TENM2: variants seen among roughly 807,000 people sequenced by gnomAD.
The protein encoded by TENM2 is teneurin-2.
A neutral mutation model predicts 245.2 loss-of-function variants in TENM2; 52 were observed. The ratio of observed to expected loss-of-function variants is 0.21; its 90% CI spans 0.17 to 0.27. The LOEUF is 0.27. TENM2 is among the 10% of genes least tolerant of loss of function. The pLI is 1.00. For synonymous variants in TENM2, 1,363 were observed against 1,438.9 expected, an observed-to-expected ratio of 0.95 and a Z score of 1.19; for missense variants, 3,046 against 3,666.8, an observed-to-expected ratio of 0.83 and a Z score of 4.37.
chr5:167,465,262 G>A (rs1004259885), intron 2 of TENM2, among the ~76,000 whole-genome samples: 5 of 152,130 alleles, frequency 3.3e-5, no homozygotes, highest in African/African-American at 1.2e-4. Flanking sequence ...CCCATGTAAC[G>A]GAGTTTCTGG....
At chr5:167,681,145 T>C (rs985002384) in intron 2 of TENM2, among the ~76,000 whole-genome samples, 3 of 152,218 alleles carry the variant, frequency 2.0e-5, no homozygotes, top group Non-Finnish European at 4.4e-5. Context: ...ATATGCTCCC[T>C]AAACCCCATA....
At chr5:167,987,474 CCCA>C (rs1783334817) in intron 4 of TENM2, among the ~76,000 whole-genome samples, 1 of 151,898 alleles carries the variant, frequency 6.6e-6, no homozygotes, top group Non-Finnish European at 1.5e-5. Context: ...ATTACAGGTG[CCCA>C]CCACCACACC....
At chr5:167,351,168 A>G (rs1758887293) in intron 1 of TENM2, among the ~76,000 whole-genome samples, 2 of 148,250 alleles carry the variant, frequency 1.3e-5, no homozygotes, top group South Asian at 4.2e-4. Context: ...TATATATGGG[A>G]TATATACATA....
At chr5:167,239,891 A>G in the TENM2 span, among the ~76,000 whole-genome samples, 1 of 152,010 alleles carries the variant, frequency 6.6e-6, no homozygotes, top group African/African-American at 2.4e-5. Flanking sequence ...TCCTGCCTCA[A>G]TCTCCCAAGT....
chr5:167,382,979 G>A (rs1446539958), intron 2 of TENM2, among the ~76,000 whole-genome samples: 1 of 152,092 alleles, frequency 6.6e-6, no homozygotes, highest in African/African-American at 2.4e-5. Context: ...GTGAAAAATA[G>A]AAAAGTACTC....
At chr5:168,251,697 G>C (rs1317429836) in intron 27 of TENM2, among the ~76,000 whole-genome samples, 1 of 152,250 alleles carries the variant, frequency 6.6e-6, no homozygotes, top group Non-Finnish European at 1.5e-5. Flanking sequence ...AATGTAAGCA[G>C]AAGAGGTAAT....
At chr5:167,199,839 G>A in the TENM2 span, among the ~76,000 whole-genome samples, 4 of 152,066 alleles carry the variant, frequency 2.6e-5, no homozygotes, top group African/African-American at 4.8e-5. Flanking sequence ...AAATGCTGAT[G>A]GAACATTTTG....
chr5:167,887,382 A>G (rs900875059), intron 3 of TENM2, among the ~76,000 whole-genome samples: 3 of 152,246 alleles, frequency 2.0e-5, no homozygotes, highest in Non-Finnish European at 2.9e-5. Context: ...AAGAAGGACA[A>G]TGTTAGAGTG....
the TENM2 span, among the ~76,000 whole-genome samples, chr5:167,004,500 A>G: frequency 6.6e-6 from 1 of 152,220 alleles, no homozygotes; most frequent in African/African-American, 2.4e-5. Context: ...TATTTCAGGC[A>G]GAAAGAAAAC....
At chr5:167,803,970 A>G (rs1765964658) in intron 2 of TENM2, among the ~76,000 whole-genome samples, 1 of 152,140 alleles carries the variant, frequency 6.6e-6, no homozygotes, top group African/African-American at 2.4e-5. Context: ...TTCAATTTCA[A>G]AATACTTCAA....
chr5:167,825,548 C>T (rs1300686337), intron 2 of TENM2, among the ~76,000 whole-genome samples: 1 of 152,194 alleles, frequency 6.6e-6, no homozygotes, highest in Admixed American at 6.5e-5. Context: ...TACCATTTGA[C>T]TGGCATTGTC....
intron 2 of TENM2, among the ~76,000 whole-genome samples, chr5:167,507,557 A>T (rs1338806204): frequency 6.6e-6 from 1 of 152,198 alleles, no homozygotes; most frequent in Admixed American, 6.5e-5. Flanking sequence ...TTCGAGATGA[A>T]TGTAGGCTTC....
the TENM2 span, among the ~76,000 whole-genome samples, chr5:167,061,947 A>C: frequency 6.6e-6 from 1 of 151,760 alleles, no homozygotes; most frequent in Admixed American, 6.6e-5. Context: ...ATGACTTGTC[A>C]TGAAACTGTC....
At chr5:167,117,689 C>A in the TENM2 span, among the ~76,000 whole-genome samples, 4 of 152,054 alleles carry the variant, frequency 2.6e-5, no homozygotes, top group Admixed American at 2.6e-4. Context: ...GCTTTTAAAG[C>A]AGGTTTTCTC....
chr5:167,393,136 G>GA (rs1049228235), intron 2 of TENM2, among the ~76,000 whole-genome samples: 3 of 145,328 alleles, frequency 2.1e-5, no homozygotes, highest in Non-Finnish European at 3.0e-5. Flanking sequence ...GAAAAAAAAG[G>GA]AAAAAAAAAG....
At chr5:167,971,772 G>A (rs778236917) in intron 4 of TENM2, among the ~76,000 whole-genome samples, 1 of 152,202 alleles carries the variant, frequency 6.6e-6, no homozygotes, top group Non-Finnish European at 1.5e-5. Context: ...GATCATTTAA[G>A]TGAAGGGGTC....
At chr5:167,515,050 A>C (rs1452094264) in intron 2 of TENM2, among the ~76,000 whole-genome samples, 1 of 152,154 alleles carries the variant, frequency 6.6e-6, no homozygotes, top group Non-Finnish European at 1.5e-5. Context: ...TGTAAACTGC[A>C]TGTATGGAAA....
intron 24 of TENM2, 118 bp from the exon 27 acceptor site, chr5:168,227,777 C>T: frequency 1.6e-6 from 1 of 644,796 alleles, no homozygotes; most frequent in Non-Finnish European, 2.7e-6. Flanking sequence ...CAGCCTTCGA[C>T]TAATGGCTGC....
the TENM2 span, among the ~76,000 whole-genome samples, chr5:167,039,468 G>A: frequency 6.6e-6 from 1 of 152,160 alleles, no homozygotes; most frequent in Non-Finnish European, 1.5e-5. Flanking sequence ...GTAATTTGCA[G>A]ATTAGGCATC....
Sources: allele counts gnomAD v4.1 joint callset (sites outside exome capture counted in the v4.1 genomes callset), GRCh38; gene constraint gnomAD v4.1.1; transcripts MANE v1.5; gene names NCBI Gene and HGNC (gene_info 2026-07-23, HGNC 2026-07-21).